ABAT: variants seen among roughly 807,000 people sequenced by gnomAD.
ABAT encodes the protein 4-aminobutyrate aminotransferase, also known as 4-aminobutyrate aminotransferase, mitochondrial.
In ABAT, 45 loss-of-function variants were observed where a neutral mutation model predicts 64.6. The observed-to-expected ratio is 0.70, with a 90% CI of 0.55 to 0.89. The LOEUF (loss-of-function observed/expected upper bound fraction) is 0.89. Among genes scored for constraint, ABAT ranks in the 40% least tolerant of loss-of-function variants. The probability of loss-of-function intolerance (pLI) is 0.00; values close to 1 mark genes in which losing one functional copy is unlikely to be tolerated. For missense variants in ABAT, 633 were observed against 658.4 expected (o/e 0.96, Z 0.42); for synonymous variants, 297 against 250.5 (o/e 1.19, Z -1.75).
chr16:8,692,461 A>T (rs1414518046), intron 1 of ABAT, among the ~76,000 whole-genome samples: 1 of 152,232 alleles, frequency 6.6e-6, no homozygotes, highest in African/African-American at 2.4e-5. Context: ...AGAAGGAGGC[A>T]GTTGAGCAGG....
intron 1 of ABAT, among the ~76,000 whole-genome samples, chr16:8,694,734 A>G (rs1183709678): frequency 6.6e-6 from 1 of 152,180 alleles, no homozygotes; most frequent in Non-Finnish European, 1.5e-5. Flanking sequence ...CTTTGCTGAA[A>G]AAAGCGGCTC....
rs1187702951 is a variant in ABAT, at chr16:8,682,601, G to A, written c.-42+7890G>A. On this transcript the variant is annotated intron_variant, in intron 1 of 15. Coordinates refer to ENST00000268251, the MANE Select transcript of ABAT (RefSeq NM_020686.6). ...CATGTTCTCTAGGAATCCTGGACCA[G>A]CCCCCGACCCCTGCCAACCTTGTCC... Among the ~76,000 whole-genome samples, 5 of 98,520 alleles carry A rather than the reference G, an allele frequency of 5.1e-5. No homozygotes were observed. In the East Asian group the frequency reaches 2.4e-3, roughly 47 times the overall value. 64.6% of individuals were successfully genotyped at this position (98,520 alleles called of 152,430 possible).
chr16:8,709,689 T>C (rs2058026650), intron 1 of ABAT, among the ~76,000 whole-genome samples: 1 of 152,112 alleles, frequency 6.6e-6, no homozygotes, highest in African/African-American at 2.4e-5. Context: ...TTATTTTCAA[T>C]AGTACAGGTC....
intron 2 of ABAT, chr16:8,738,494 T>G (rs544934727): frequency 1.4e-4 from 64 of 455,134 alleles, no homozygotes; most frequent in Non-Finnish European, 2.6e-4. Flanking sequence ...TTCCATGGCC[T>G]CCTCTGGTCT....
At chr16:8,688,083 T>TG (rs397701519) in intron 1 of ABAT, among the ~76,000 whole-genome samples, 8 of 151,632 alleles carry the variant, frequency 5.3e-5, no homozygotes, top group Non-Finnish European at 7.4e-5. Context: ...TTTATTTTTT[T>TG]TGTAGAGGCA....
intron 1 of ABAT, among the ~76,000 whole-genome samples, chr16:8,694,436 C>G (rs2057657065): frequency 6.6e-6 from 1 of 152,148 alleles, no homozygotes; most frequent in African/African-American, 2.4e-5. Flanking sequence ...GTCACCCAGA[C>G]TGGAGTGCAG....
chr16:8,758,896 G>A (rs1012355510), intron 6 of ABAT, among the ~76,000 whole-genome samples: 2 of 152,144 alleles, frequency 1.3e-5, no homozygotes, highest in Admixed American at 6.5e-5. Context: ...GAGGTCAGGA[G>A]TTCAAGACCA....
At chr16:8,748,387 G>T (rs564793884) in intron 4 of ABAT, among the ~76,000 whole-genome samples, 1 of 152,000 alleles carries the variant, frequency 6.6e-6, no homozygotes, top group Admixed American at 6.6e-5. Flanking sequence ...TTCCATTATG[G>T]TTGGAAACAT....
At chr16:8,710,727 A>AGAGAGAGAGAGAGAGAGAGAGGGAGG (rs146344975) in intron 1 of ABAT, among the ~76,000 whole-genome samples, 4 of 103,702 alleles carry the variant, frequency 3.9e-5, no homozygotes, top group Admixed American at 1.1e-4. Flanking sequence ...AGAGAGAGAG[A>AGAGAGAGAGAGAGAGAGAGAGGGAGG]GAGGAAATAG....
chr16:8,753,379 G>C (rs1369738875), intron 5 of ABAT, among the ~76,000 whole-genome samples: 1 of 152,140 alleles, frequency 6.6e-6, no homozygotes, highest in Non-Finnish European at 1.5e-5. Context: ...ACAGGCGTGA[G>C]CCACCGCGCC....
Position 8,766,223 on chromosome 16 carries a change from C to A in ABAT, c.556C>A (p.Gln186Lys). The A allele has an allele frequency of 6.2e-7, 1 of 1,613,986 alleles. No homozygotes were observed. Among genetic ancestry groups the A allele is most frequent in the Non-Finnish European group, 8.5e-7 (1 of 1,179,908 alleles). ...FMWYRSKERG[Q>K]RGFSQEELET... is the part of the protein sequence containing the mutation. ...ATTGTTTCAGAGCAAGGAAAGAGGG[C>A]AGAGGGGCTTCTCCCAGGAGGAGCT... The change falls in exon 9 of 16, where the codon CAG becomes AAG. Residue 186 changes from glutamine (Q) to lysine (K), a missense_variant. Physicochemically the swap from Gln to Lys is moderately conservative, Grantham distance 53 (BLOSUM62 1). Transcript: ENST00000268251.
At chr16:8,686,584 A>T (rs1392611213) in intron 1 of ABAT, among the ~76,000 whole-genome samples, 3 of 152,202 alleles carry the variant, frequency 2.0e-5, no homozygotes, top group African/African-American at 7.2e-5. Flanking sequence ...GGAAAGGCTG[A>T]TCAGATTTCA....
At chr16:8,684,671 C>T (rs1329191918) in intron 1 of ABAT, among the ~76,000 whole-genome samples, 1 of 149,864 alleles carries the variant, frequency 6.7e-6, no homozygotes, top group Non-Finnish European at 1.5e-5. Flanking sequence ...TGCACTGAGC[C>T]ATAATCATGC....
intron 1 of ABAT, among the ~76,000 whole-genome samples, chr16:8,706,017 A>T (rs2057932638): frequency 1.3e-5 from 2 of 152,120 alleles, no homozygotes; most frequent in African/African-American, 4.8e-5. Flanking sequence ...ATAAAATGGG[A>T]ATAATAAGAA....
chr16:8,723,814 T>TATAC (rs1300891717), intron 1 of ABAT, among the ~76,000 whole-genome samples: 2 of 48,882 alleles, frequency 4.1e-5, no homozygotes, highest in East Asian at 1.2e-3. Context: ...GCTTTTTATA[T>TATAC]ATATATATAT....
chr16:8,754,722 C>CTTTT (rs1158562828), intron 5 of ABAT, among the ~76,000 whole-genome samples: 1 of 133,062 alleles, frequency 7.5e-6, no homozygotes, highest in African/African-American at 2.9e-5. Flanking sequence ...TTCTTTCTTT[C>CTTTT]TTTTTTTTTT....
At position 8,764,938 on chromosome 16, in the gene ABAT, T is replaced by A; in HGVS notation, c.540+108T>A. ...TTCCAATGGGCTGGAGTATTAGACA[T>A]CAGTACCAGGGTTAAAATACAGGGA... is the stretch of plus-strand genomic sequence containing the variant. On this transcript the variant is annotated intron_variant, in intron 8 of 15. Transcript: ENST00000268251. The surrounding 1 kb of genome is among the most constrained non-coding windows in gnomAD (Gnocchi z 4.2). 1 of 1,040,634 alleles carries A rather than the reference T, an allele frequency of 9.6e-7. No homozygotes were observed. The highest frequency in any genetic ancestry group is 1.3e-5 in the South Asian group (1 of 76,998). 64.5% of individuals were successfully genotyped at this position (1,040,634 alleles called of 1,614,324 possible).
chr16:8,739,230 A>G (rs1211617675), intron 2 of ABAT, among the ~76,000 whole-genome samples: 8 of 152,232 alleles, frequency 5.3e-5, no homozygotes, highest in Admixed American at 3.3e-4. Context: ...TCTCCAGGAC[A>G]TCTGAGCTTT....
intron 5 of ABAT, chr16:8,757,227 G>C (rs370234075): frequency 1.8e-5 from 8 of 448,898 alleles, no homozygotes; most frequent in East Asian, 7.0e-5. Context: ...GAGTGCAGTG[G>C]CGTGATCTCA....
Sources: allele counts gnomAD v4.1 joint callset (sites outside exome capture counted in the v4.1 genomes callset), GRCh38; gene constraint gnomAD v4.1.1; non-coding constraint Gnocchi (gnomAD v3.1); transcripts MANE v1.5; gene names NCBI Gene and HGNC (gene_info 2026-07-23, HGNC 2026-07-21).